RYR1: variants seen among roughly 807,000 people sequenced by gnomAD.
The protein encoded by RYR1 is central core disease of muscle.
In RYR1, 342 loss-of-function variants were observed where a neutral mutation model predicts 583.5. The ratio of observed to expected loss-of-function variants is 0.59; its 90% CI spans 0.54 to 0.64. The LOEUF is 0.64. RYR1 is among the 30% of genes least tolerant of loss of function. RYR1 has a pLI of 0.00. For synonymous variants in RYR1, 2,791 were observed against 2,822.5 expected (o/e 0.99, Z 0.35); for missense variants, 6,032 against 6,917.2 (o/e 0.87, Z 4.54).
chr19:38,538,553 C>G (rs1159171374), intron 84 of RYR1: 1 of 154,430 alleles, frequency 6.5e-6, no homozygotes, highest in Non-Finnish European at 1.4e-5. Flanking sequence ...TGCTATTTTC[C>G]CACAGGCGCT....
At chr19:38,556,349 G>A (rs1972878749) in intron 89 of RYR1, among the ~76,000 whole-genome samples, 1 of 151,824 alleles carries the variant, frequency 6.6e-6, no homozygotes, top group African/African-American at 2.4e-5. Context: ...AGGTGTAGTA[G>A]TGCATATCTG....
At chr19:38,460,632 CT>C (rs1449272207) in intron 20 of RYR1, 41 bp downstream of exon 20, 1 of 1,564,888 alleles carries the variant, frequency 6.4e-7, no homozygotes, top group East Asian at 2.2e-5. Context: ...GAGGCAGGGT[CT>C]CTTAGGAGTC....
At chr19:38,563,590 G>A (rs916206076) in intron 90 of RYR1, among the ~76,000 whole-genome samples, 14 of 152,252 alleles carry the variant, frequency 9.2e-5, no homozygotes, top group Middle Eastern at 3.4e-3. Flanking sequence ...ATCAGGCACC[G>A]GGCGCTGTTC....
At chr19:38,585,374 A>G (rs916234018) in intron 102 of RYR1, among the ~76,000 whole-genome samples, 14 of 147,410 alleles carry the variant, frequency 9.5e-5, no homozygotes, top group African/African-American at 3.5e-4. Context: ...CCTGAGATAT[A>G]TATATATATA....
In RYR1 at chr19:38,464,725, G is replaced by A. The variant is rs1314195050; in HGVS notation, c.2870+3G>A. ...AAGAAGACAAAACTCCCCAAGACGT[G>A]AGTGTGGGCAGCCAGGTCCCGTCTG... On this transcript the variant is annotated splice_donor_region_variant and intron_variant, in intron 23 of 105. Transcript: ENST00000359596. 23 of 1,576,430 alleles carry A rather than the reference G, an allele frequency of 1.5e-5. No homozygotes were observed. Among genetic ancestry groups the A allele is most frequent in the Non-Finnish European group, 1.8e-5 (21 of 1,160,858 alleles).
Position 38,586,171 on chromosome 19 carries a change from G to A in RYR1, c.14949G>A (p.Glu4983=), listed in dbSNP as rs767595443. ...PHGFETHTLE[E]HNLANYMFFL... is the part of the protein sequence containing the mutation. ...GCTTCGAGACTCACACGCTGGAGGA[G>A]CACAACCTGGCCAATTACATGTGAG... The change falls in exon 104 of 106, where the codon GAG becomes GAA. Residue 4983 remains glutamate, a synonymous_variant. Transcript: ENST00000359596. 6.2e-7 allele frequency: 1 copy of A among 1,613,832 alleles called. No individual in the cohort carries two copies. Among genetic ancestry groups the A allele is most frequent in the African/African-American group, 1.3e-5 (1 of 74,910 alleles).
intron 27 of RYR1, among the ~76,000 whole-genome samples, chr19:38,470,438 G>GAA (rs543327525): frequency 9.4e-5 from 7 of 74,328 alleles, no homozygotes; most frequent in East Asian, 4.1e-4. Flanking sequence ...CTGTCTCATT[G>GAA]AAAAAAAAAA....
intron 78 of RYR1, 135 bp from the exon 79 acceptor site, chr19:38,534,585 G>T: frequency 2.6e-6 from 2 of 758,420 alleles, no homozygotes; most frequent in East Asian, 2.7e-5. Flanking sequence ...AGCCCCAGGG[G>T]ATGGAGGGAG....
At chr19:38,481,835 C>T (rs1969025881) in intron 31 of RYR1, among the ~76,000 whole-genome samples, 1 of 152,076 alleles carries the variant, frequency 6.6e-6, no homozygotes, top group Admixed American at 6.6e-5. Context: ...CACCTGTAAT[C>T]CCAGCACTTT....
chr19:38,510,872 T>C (rs1970696294), intron 60 of RYR1, 91 bp downstream of exon 60: 3 of 1,579,898 alleles, frequency 1.9e-6, no homozygotes, highest in East Asian at 2.2e-5. Context: ...TGCTGGGTGT[T>C]GGGTACTGAC....
intron 1 of RYR1, among the ~76,000 whole-genome samples, chr19:38,439,457 C>T (rs964162505): frequency 3.9e-5 from 6 of 152,038 alleles, no homozygotes; most frequent in African/African-American, 1.4e-4. Context: ...CCTCGGCCTC[C>T]CAAAGTGCTG....
chr19:38,565,704 TGGG>T lies in RYR1; in HGVS notation c.13373_13375del (p.Gly4458del). The T allele has an allele frequency of 1.4e-6, 2 of 1,420,182 alleles. No homozygotes were observed. The highest frequency in any genetic ancestry group is 1.8e-6 in the Non-Finnish European group (2 of 1,095,384). The allele number at this position is 1,420,182 out of a possible 1,614,324, so 88.0% of individuals were successfully genotyped here. A position where few individuals can be genotyped will look rare whatever the true frequency, so the allele number is the denominator to read the frequency against. ...GAAGGGGCTGGCGGTCTCGGGGACATGGGGGACACGACGCCTGCGGAACCGCCC... is the reference window on the plus strand; with the variant it reads ...GAAGGGGCTGGCGGTCTCGGGGACATGGACACGACGCCTGCGGAACCGCCC... On this transcript the variant is annotated inframe_deletion, in exon 91 of 106. Transcript: ENST00000359596. The surrounding 1 kb of genome is among the most constrained non-coding windows in gnomAD (Gnocchi z 4.7).
chr19:38,492,427 T>C (rs1969591688), intron 37 of RYR1, 63 bp from the exon 38 acceptor site: 1 of 1,569,334 alleles, frequency 6.4e-7, no homozygotes. Flanking sequence ...AATAAATGAG[T>C]GTGTAAGCAG....
chr19:38,528,298 C>T lies in RYR1; in HGVS notation c.10825-8C>T. ...GGGGATGTGACTGTCCTGCTATCCCCTCCCCAGACCGAGCACCCTTACAAG... is the reference window on the plus strand; with the variant it reads ...GGGGATGTGACTGTCCTGCTATCCCTTCCCCAGACCGAGCACCCTTACAAG... On this transcript the variant is annotated splice_region_variant and splice_polypyrimidine_tract_variant and intron_variant, in intron 73 of 105. Transcript: ENST00000359596. 1 of 1,612,356 alleles carries T rather than the reference C, an allele frequency of 6.2e-7. No individual in the cohort carries two copies. Among genetic ancestry groups the T allele is most frequent in the East Asian group, 2.2e-5 (1 of 44,864 alleles).
At chr19:38,504,934 CAG>C (rs551768121) in intron 51 of RYR1, 23 bp downstream of exon 51, 6 of 1,613,994 alleles carry the variant, frequency 3.7e-6, no homozygotes, top group South Asian at 1.1e-5. Flanking sequence ...GGCTGGGAGA[CAG>C]AGAGGAAGAT....
rs1972838936 is a variant in RYR1 at position 38,444,404 on chromosome 19, A to G, written c.537+143A>G. On this transcript the variant is annotated intron_variant, in intron 6 of 105. Coordinates refer to ENST00000359596, the MANE Select transcript of RYR1 (RefSeq NM_000540.3). This position sits in a 1 kb window ranked among gnomAD's most constrained non-coding sequence, Gnocchi z 5.1. ...CCCATTTCCTGACCCCTGACATCCA[A>G]TTTTCTGATTTCTGACCTCCCATTG... The G allele has an allele frequency of 2.3e-6, 2 of 868,044 alleles. No homozygotes were observed. The highest frequency in any genetic ancestry group is 2.0e-5 in the Admixed American group (1 of 49,930). 53.8% of individuals were successfully genotyped at this position (868,044 alleles called of 1,614,324 possible).
intron 81 of RYR1, chr19:38,535,597 G>C (rs530559264): frequency 1.6e-6 from 1 of 636,684 alleles, no homozygotes; most frequent in South Asian, 1.8e-5. Flanking sequence ...AGAATGAGTT[G>C]CATTATGAAT....
rs1204269889 is a variant in RYR1, at chr19:38,443,778, C to T, written c.406C>T (p.Leu136=). ...TGACAAGCTGGCCTTCGATGTGGGA[C>T]TGCAGGAGGACGCAACAGGTGCAGC... is the stretch of plus-strand genomic sequence containing the variant. ...MTDKLAFDVG[L]QEDATGEACW... is the part of the protein sequence containing the mutation. Residue 136 remains leucine (L), a synonymous_variant, in exon 5 of 106, where the codon CTG becomes TTG. Coordinates refer to ENST00000359596, the MANE Select transcript of RYR1 (RefSeq NM_000540.3). 5.0e-6 allele frequency: 8 copies of T among 1,614,146 alleles called. No individual in the cohort carries two copies. The highest frequency in any genetic ancestry group is 6.8e-6 in the Non-Finnish European group (8 of 1,180,004).
At chr19:38,546,359 C>T in intron 87 of RYR1, 86 bp from the exon 88 acceptor site, 1 of 1,190,026 alleles carries the variant, frequency 8.4e-7, no homozygotes, top group Non-Finnish European at 1.3e-6. Context: ...GGTTTAGGCC[C>T]TGCTGGGTAG....
Sources: gnomAD v4.1 joint callset for allele counts (sites outside exome capture counted in the v4.1 genomes callset) on GRCh38, gnomAD v4.1.1 for gene constraint, Gnocchi (gnomAD v3.1) non-coding constraint, MANE v1.5 for transcripts, NCBI Gene and HGNC (gene_info 2026-07-23, HGNC 2026-07-21) for gene names.